The following NRXN3 variants were observed in gnomAD, a reference collection of about 807,000 sequenced individuals.
The protein encoded by NRXN3 is neurexin III.
In NRXN3, 32 loss-of-function variants were observed where a neutral mutation model predicts 137.6. The ratio of observed to expected loss-of-function variants is 0.23; its 90% CI spans 0.18 to 0.31. NRXN3 has a LOEUF of 0.31. NRXN3 is among the 10% of genes least tolerant of loss of function. NRXN3 has a pLI of 1.00. For synonymous variants in NRXN3, 798 were observed against 784.5 expected, an observed-to-expected ratio of 1.02 and a Z score of -0.29; for missense variants, 1,574 against 2,062.5, an observed-to-expected ratio of 0.76 and a Z score of 4.59.
chr14:78,366,593 TG>T (rs1277648659), intron 4 of NRXN3, among the ~76,000 whole-genome samples: 9 of 152,306 alleles, frequency 5.9e-5, no homozygotes, highest in African/African-American at 2.2e-4. Context: ...AAGAGTCTTA[TG>T]GCTGGGGAGG....
intron 16 of NRXN3, among the ~76,000 whole-genome samples, chr14:79,519,444 T>A (rs1005242000): frequency 6.6e-6 from 1 of 152,124 alleles, no homozygotes; most frequent in Non-Finnish European, 1.5e-5. Context: ...CCCTTTATGT[T>A]TTTCTTAAAC....
intron 20 of NRXN3, among the ~76,000 whole-genome samples, chr14:79,814,122 C>A (rs2099244319): frequency 6.6e-6 from 1 of 152,188 alleles, no homozygotes; most frequent in Non-Finnish European, 1.5e-5. Context: ...GAATTACATT[C>A]TTTTGTAGTT....
chr14:78,488,602 A>T (rs2095607103), intron 4 of NRXN3, among the ~76,000 whole-genome samples: 1 of 152,066 alleles, frequency 6.6e-6, no homozygotes, highest in Non-Finnish European at 1.5e-5. Context: ...GGTGGGGGGA[A>T]GGAAAGTTGG....
At chr14:78,819,126 A>G (rs2098943213) in intron 10 of NRXN3, among the ~76,000 whole-genome samples, 1 of 152,032 alleles carries the variant, frequency 6.6e-6, no homozygotes, top group African/African-American at 2.4e-5. Context: ...TCCCCTTTAA[A>G]AGGCTGATGT....
chr14:79,220,296 C>T (rs542438111), intron 15 of NRXN3, among the ~76,000 whole-genome samples: 3 of 152,210 alleles, frequency 2.0e-5, no homozygotes, highest in African/African-American at 7.2e-5. Flanking sequence ...TTTGAATAGA[C>T]TTTATTTTGT....
At chr14:78,923,178 G>A (rs1251973190) in intron 10 of NRXN3, among the ~76,000 whole-genome samples, 2 of 152,170 alleles carry the variant, frequency 1.3e-5, no homozygotes, top group African/African-American at 2.4e-5. Context: ...TCATGGTTGA[G>A]CACACCCTAT....
At chr14:78,209,186 T>C (rs1244124999) in intron 1 of NRXN3, among the ~76,000 whole-genome samples, 1 of 152,042 alleles carries the variant, frequency 6.6e-6, no homozygotes, top group African/African-American at 2.4e-5. Context: ...TTGGGAGATG[T>C]GGCTGGAGGT....
At chr14:79,422,224 A>AT (rs11362359) in intron 15 of NRXN3, among the ~76,000 whole-genome samples, 82 of 151,048 alleles carry the variant, frequency 5.4e-4, no homozygotes, top group Admixed American at 2.2e-3. Flanking sequence ...ACCCCCAGCA[A>AT]TTTTTTTTTT....
At chr14:78,450,686 C>T (rs984989227) in intron 4 of NRXN3, among the ~76,000 whole-genome samples, 3 of 152,216 alleles carry the variant, frequency 2.0e-5, no homozygotes, top group Admixed American at 6.5e-5. Context: ...TGAGCTTCTC[C>T]CTCTGCCTGC....
At chr14:79,590,531 T>C (rs10131476) in intron 16 of NRXN3, among the ~76,000 whole-genome samples, 52,842 of 151,712 alleles carry the variant, frequency 0.35, 9,810 homozygotes, top group African/African-American at 0.47. Flanking sequence ...TTGAAGAGTA[T>C]GTCACATGTA....
At chr14:79,009,624 T>A (rs2099567738) in intron 15 of NRXN3, among the ~76,000 whole-genome samples, 1 of 152,198 alleles carries the variant, frequency 6.6e-6, no homozygotes, top group Non-Finnish European at 1.5e-5. Context: ...ATATCATCCA[T>A]TTCCAGTGAG....
intron 4 of NRXN3, among the ~76,000 whole-genome samples, chr14:78,477,063 A>T (rs2095392287): frequency 6.6e-6 from 1 of 152,192 alleles, no homozygotes; most frequent in Non-Finnish European, 1.5e-5. Flanking sequence ...GGAACTTTGT[A>T]CACTCTGCTG....
chr14:79,730,138 G>A (rs1223099222), intron 19 of NRXN3, among the ~76,000 whole-genome samples: 1 of 152,126 alleles, frequency 6.6e-6, no homozygotes, highest in East Asian at 1.9e-4. Context: ...AGTTTGATAG[G>A]GAAGGGCTTC....
chr14:79,829,614 G>T (rs1159662861), intron 20 of NRXN3, among the ~76,000 whole-genome samples: 1 of 152,162 alleles, frequency 6.6e-6, no homozygotes, highest in African/African-American at 2.4e-5. Flanking sequence ...TGATCAATGT[G>T]TGCACTGCCA....
chr14:78,469,791 T>A (rs1241623110), intron 4 of NRXN3, among the ~76,000 whole-genome samples: 1 of 152,184 alleles, frequency 6.6e-6, no homozygotes, highest in Non-Finnish European at 1.5e-5. Context: ...ACCTGAAAAA[T>A]ACAACTTCCA....
intron 4 of NRXN3, among the ~76,000 whole-genome samples, chr14:78,503,618 GACC>G (rs2095922364): frequency 6.6e-6 from 1 of 152,092 alleles, no homozygotes; most frequent in Admixed American, 6.6e-5. Flanking sequence ...GCTTGGTCAG[GACC>G]ACCATCAGCA....
chr14:79,316,389 G>A (rs993066571), intron 15 of NRXN3, among the ~76,000 whole-genome samples: 1 of 152,136 alleles, frequency 6.6e-6, no homozygotes, highest in East Asian at 1.9e-4. Flanking sequence ...TAGGTATCTT[G>A]TCTGAGATGA....
At chr14:79,681,743 AT>A (rs113416580) in intron 17 of NRXN3, among the ~76,000 whole-genome samples, 10,043 of 142,292 alleles carry the variant, frequency 0.071, 429 homozygotes, top group African/African-American at 0.14. Flanking sequence ...GATTGTAGCT[AT>A]TTTTTTTTTT....
chr14:78,311,112 T>G (rs752831374), intron 4 of NRXN3, among the ~76,000 whole-genome samples: 1 of 152,176 alleles, frequency 6.6e-6, no homozygotes, highest in Admixed American at 6.5e-5. Flanking sequence ...ATTGATACAA[T>G]GCAGGTGAAA....
Sources: gnomAD v4.1 joint callset for allele counts (sites outside exome capture counted in the v4.1 genomes callset) on GRCh38, gnomAD v4.1.1 for gene constraint, MANE v1.5 for transcripts, NCBI Gene and HGNC (gene_info 2026-07-23, HGNC 2026-07-21) for gene names.